Variants in ZSCAN32 observed in about 807,000 individuals in gnomAD.
ZSCAN32 encodes the protein zinc finger and SCAN domain containing 32.
Under a neutral mutation model 47.4 loss-of-function variants are expected in ZSCAN32, and 52 were observed. The ratio of observed to expected loss-of-function variants is 1.10; its 90% CI spans 0.88 to 1.38. The LOEUF is 1.38. Ranked by LOEUF, ZSCAN32 falls within the 40% of genes most tolerant of loss-of-function variation. The probability of loss-of-function intolerance (pLI) is 0.00; values close to 1 mark genes in which losing one functional copy is unlikely to be tolerated. For synonymous variants in ZSCAN32, 346 were observed against 305.7 expected (o/e 1.13, Z -1.38); for missense variants, 959 against 846.0 (o/e 1.13, Z -1.66).
In ZSCAN32 at chr16:3,383,261, G is replaced by A; in HGVS notation, c.1685C>T (p.Ser562Phe). Residue 562 changes from serine to phenylalanine, a missense_variant, in exon 7 of 7, where the codon TCC (serine) becomes TTC (phenylalanine). Physicochemically the swap from Ser to Phe is radical, Grantham distance 155. Transcript: ENST00000396852. ...SECGKGFSERSNLTAHLRTHT... is the reference protein window; with the variant it reads ...SECGKGFSERFNLTAHLRTHT... Reference sequence around the variant, plus strand: ...AGTTCGTAGGTGGGCAGTGAGGTTGGAGCGCTCACTAAAGCCCTTCCCGCA... The same window carrying A: ...AGTTCGTAGGTGGGCAGTGAGGTTGAAGCGCTCACTAAAGCCCTTCCCGCA... The A allele has an allele frequency of 2.5e-6, 4 of 1,614,172 alleles. No homozygotes were observed. Among genetic ancestry groups the A allele is most frequent in the Non-Finnish European group, 2.5e-6 (3 of 1,180,012 alleles).
At chr16:3,389,763 A>T (rs182791675) in intron 5 of ZSCAN32, among the ~76,000 whole-genome samples, 19 of 152,140 alleles carry the variant, frequency 1.2e-4, no homozygotes, top group Admixed American at 3.3e-4. Flanking sequence ...TGTCTCACTA[A>T]CATTTTGCTT....
Position 3,382,350 on chromosome 16 carries a change from T to G in ZSCAN32, c.*502A>C, listed in dbSNP as rs1239519300. ...TTAACCATCCTTCCTTCTTTCTGTT[T>G]GCTTTTTGGTGGTGGCTGGGTTACA... On this transcript the variant is annotated 3_prime_UTR_variant, in exon 7 of 7. Coordinates refer to ENST00000396852, the MANE Select transcript of ZSCAN32 (RefSeq NM_001284527.2). The G allele has an allele frequency of 6.6e-6, 1 of 152,540 alleles. No homozygotes were observed. The highest frequency in any genetic ancestry group is 1.5e-5 in the Non-Finnish European group (1 of 68,296). The allele number at this position is 152,540 out of a possible 1,614,324, so 9.4% of individuals were successfully genotyped here. A position where few individuals can be genotyped will look rare whatever the true frequency, so the allele number is the denominator to read the frequency against.
intron 1 of ZSCAN32, among the ~76,000 whole-genome samples, chr16:3,397,958 C>A (rs1035869227): frequency 6.6e-6 from 1 of 152,188 alleles, no homozygotes; most frequent in South Asian, 2.1e-4. Flanking sequence ...TAGGATCTAA[C>A]CAACTCCATC....
intron 5 of ZSCAN32, among the ~76,000 whole-genome samples, chr16:3,388,525 C>A (rs1338100653): frequency 6.6e-6 from 1 of 152,194 alleles, no homozygotes; most frequent in Non-Finnish European, 1.5e-5. Context: ...TGTCTCTTCC[C>A]ACAGGGCAGG....
At position 3,384,776 on chromosome 16, in the gene ZSCAN32, C is replaced by A; in HGVS notation, c.917G>T (p.Cys306Phe). The change falls in exon 6 of 7, where the codon TGT becomes TTT. Residue 306 changes from cysteine (C) to phenylalanine (F), a missense_variant. Transcript: ENST00000396852. ...CTGTAGGCTTTTGAACTTGGTGCGA[C>A]ACTGTTCTGGGGTCCGCAGAAAACC... ...EQGFLRTPEQ[C>F]RTKFKSLQLS... The A allele has an allele frequency of 6.2e-7, 1 of 1,614,192 alleles. No individual in the cohort carries two copies. Among genetic ancestry groups the A allele is most frequent in the Non-Finnish European group, 8.5e-7 (1 of 1,180,034 alleles).
chr16:3,384,631 AG>A lies in ZSCAN32; in HGVS notation c.1061del (p.Pro354LeufsTer13). ...CCTCAATATCACTTCCTTCTTGGCC[AG>A]GAACAGCATCGCTTGCCATAGGAGG... ...SAPPMASDAV[P>X]GQEGSDIEAG... is the part of the protein sequence containing the mutation. On this transcript the variant is annotated frameshift_variant, in exon 6 of 7. Transcript: ENST00000396852. LOFTEE classifies it high-confidence loss of function. 6.2e-7 allele frequency: 1 copy of A among 1,614,182 alleles called. No homozygotes were observed. The highest frequency in any genetic ancestry group is 1.1e-5 in the South Asian group (1 of 91,084).
chr16:3,383,715 A>G lies in ZSCAN32; in HGVS notation c.1235-4T>C. The stretch of plus-strand genomic sequence containing the variant: ...ATCTCGTTCTTGAACTCAAAACCTG[A>G]AAAAAAAAAACCCCACAGAAATACA... On this transcript the variant is annotated splice_polypyrimidine_tract_variant and splice_region_variant and intron_variant, in intron 6 of 6. Transcript: ENST00000396852. 1 of 1,148,134 alleles carries G rather than the reference A, an allele frequency of 8.7e-7. No homozygotes were observed. The highest frequency in any genetic ancestry group is 1.2e-6 in the Non-Finnish European group (1 of 845,602). The allele number at this position is 1,148,134 out of a possible 1,614,324, so 71.1% of individuals were successfully genotyped here. A position where few individuals can be genotyped will look rare whatever the true frequency, so the allele number is the denominator to read the frequency against.
Position 3,383,093 on chromosome 16 carries a change from G to T in ZSCAN32, c.1853C>A (p.Ser618Tyr). 6.2e-7 allele frequency: 1 copy of T among 1,614,186 alleles called. No individual in the cohort carries two copies. The highest frequency in any genetic ancestry group is 8.5e-7 in the Non-Finnish European group (1 of 1,180,034). ...GATGCGCCGGTGAGCACTGAACTGGGAACTGTTGTTGAATCTCTTTCCACA... is the reference window on the plus strand; with the variant it reads ...GATGCGCCGGTGAGCACTGAACTGGTAACTGTTGTTGAATCTCTTTCCACA... ...IVCGKRFNNS[S>Y]QFSAHRRIHT... Residue 618 changes from serine to tyrosine, a missense_variant, in exon 7 of 7, where the codon TCC becomes TAC. Transcript: ENST00000396852.
At position 3,383,713 on chromosome 16, in the gene ZSCAN32, T is replaced by TA; in HGVS notation, c.1235-3_1235-2insT. The TA allele has an allele frequency of 4.5e-6, 7 of 1,555,222 alleles. No individual in the cohort carries two copies. Among genetic ancestry groups the TA allele is most frequent in the East Asian group, 2.2e-5 (1 of 44,472 alleles). On this transcript the variant is annotated splice_region_variant and splice_polypyrimidine_tract_variant and intron_variant, in intron 6 of 6. Coordinates refer to ENST00000396852, the MANE Select transcript of ZSCAN32 (RefSeq NM_001284527.2). Reference sequence around the variant, plus strand: ...TAATCTCGTTCTTGAACTCAAAACCTGAAAAAAAAAAACCCCACAGAAATA... The same window carrying TA: ...TAATCTCGTTCTTGAACTCAAAACCTAGAAAAAAAAAAACCCCACAGAAATA...
intron 2 of ZSCAN32, among the ~76,000 whole-genome samples, chr16:3,395,865 G>A (rs567792675): frequency 6.6e-6 from 1 of 152,282 alleles, no homozygotes; most frequent in African/African-American, 2.4e-5. Flanking sequence ...GGGCATGGTG[G>A]TGTGCACCTG....
chr16:3,383,513 G>A lies in ZSCAN32; in HGVS notation c.1433C>T (p.Ser478Phe). The A allele has an allele frequency of 6.2e-7, 1 of 1,613,982 alleles. No individual in the cohort carries two copies. Among genetic ancestry groups the A allele is most frequent in the Non-Finnish European group, 8.5e-7 (1 of 1,179,986 alleles). The change falls in exon 7 of 7, where the codon TCC becomes TTC. Residue 478 changes from serine (S) to phenylalanine (F), a missense_variant. Transcript: ENST00000396852. ...ACTCTGGTGACTCATCTTCTCCTGG[G>A]ATGGGGTTTTCTCCTCACTCTCCCC... ...SPGESEEKTPSQEKMSHQSFC... is the reference protein window; with the variant it reads ...SPGESEEKTPFQEKMSHQSFC...
intron 1 of ZSCAN32, among the ~76,000 whole-genome samples, chr16:3,400,169 A>G (rs1164780512): frequency 6.6e-4 from 100 of 152,320 alleles, no homozygotes; most frequent in Non-Finnish European, 2.9e-5. Context: ...TTCTCAAGGA[A>G]CTTGAACTGC....
chr16:3,388,685 A>G (rs2032301827), intron 5 of ZSCAN32, among the ~76,000 whole-genome samples: 1 of 152,220 alleles, frequency 6.6e-6, no homozygotes, highest in Non-Finnish European at 1.5e-5. Context: ...AGGATCCTCA[A>G]TGGTTGACAA....
chr16:3,395,365 G>A (rs554239816), intron 2 of ZSCAN32, among the ~76,000 whole-genome samples: 4 of 152,270 alleles, frequency 2.6e-5, no homozygotes, highest in African/African-American at 9.6e-5. Flanking sequence ...TAATCCCCAC[G>A]TGTCATGGGA....
Position 3,382,717 on chromosome 16 carries a change from TCCTAGACATGGG to T in ZSCAN32, c.*123_*134del. 1 of 1,400,974 alleles carries T rather than the reference TCCTAGACATGGG, an allele frequency of 7.1e-7. No individual in the cohort carries two copies. Among genetic ancestry groups the T allele is most frequent in the Non-Finnish European group, 9.5e-7 (1 of 1,054,062 alleles). The allele number at this position is 1,400,974 out of a possible 1,614,324, so 86.8% of individuals were successfully genotyped here. Reference sequence around the variant, plus strand: ...TCAGCGTCCTTATGCTGACTCCTGGTCCTAGACATGGGTCTTAAGATCCAGTAGTCAGTAGGT... The same window carrying T: ...TCAGCGTCCTTATGCTGACTCCTGGTTCTTAAGATCCAGTAGTCAGTAGGT... On this transcript the variant is annotated 3_prime_UTR_variant, in exon 7 of 7. Transcript: ENST00000396852.
At chr16:3,393,170 C>CA (rs1567318978) in intron 3 of ZSCAN32, among the ~76,000 whole-genome samples, 1 of 67,564 alleles carries the variant, frequency 1.5e-5, no homozygotes, top group Admixed American at 2.1e-4. Context: ...ATATATATTT[C>CA]TATATATATA....
intron 3 of ZSCAN32, among the ~76,000 whole-genome samples, chr16:3,392,506 C>G (rs1035455117): frequency 1.3e-5 from 2 of 151,890 alleles, no homozygotes; most frequent in Non-Finnish European, 2.9e-5. Context: ...AGCCATTGTA[C>G]CCAGCCAAGA....
Position 3,382,834 on chromosome 16 carries a change from G to T in ZSCAN32, c.*18C>A. On this transcript the variant is annotated 3_prime_UTR_variant, in exon 7 of 7. Transcript: ENST00000396852. The stretch of plus-strand genomic sequence containing the variant: ...CATGCTGACCTGAGGAACTTAATCT[G>T]ACAGTTTACCGACACACTCATAACG... 2.0e-6 allele frequency: 3 copies of T among 1,536,774 alleles called. No homozygotes were observed. The South Asian group carries it at 3.8e-5, about 19-fold the overall frequency.
chr16:3,387,981 C>A (rs1004251051), intron 5 of ZSCAN32, among the ~76,000 whole-genome samples: 2 of 152,218 alleles, frequency 1.3e-5, no homozygotes, highest in African/African-American at 4.8e-5. Context: ...AAGGCTCCCC[C>A]ATTTCACTCA....
Sources: allele counts gnomAD v4.1 joint callset (sites outside exome capture counted in the v4.1 genomes callset), GRCh38; gene constraint gnomAD v4.1.1; transcripts MANE v1.5; gene names NCBI Gene and HGNC (gene_info 2026-07-23, HGNC 2026-07-21).